Variants in GPC5 observed in about 807,000 individuals in gnomAD.
GPC5 encodes the protein glypican 5.
Under a neutral mutation model 53.9 loss-of-function variants are expected in GPC5, and 47 were observed. The ratio of observed to expected loss-of-function variants is 0.87; its 90% CI spans 0.69 to 1.11. The LOEUF is 1.11. Ranked by LOEUF, GPC5 falls within the 50% of genes most tolerant of loss-of-function variation. GPC5 has a pLI of 0.00. For synonymous variants in GPC5, 286 were observed against 263.3 expected (o/e 1.09, Z -0.84); for missense variants, 748 against 713.1 (o/e 1.05, Z -0.56).
At chr13:91,495,025 TAATA>T (rs919615987) in intron 2 of GPC5, among the ~76,000 whole-genome samples, 1 of 152,238 alleles carries the variant, frequency 6.6e-6, no homozygotes, top group African/African-American at 2.4e-5. Context: ...TTTGAATTTC[TAATA>T]GATATCTCAA....
intron 7 of GPC5, among the ~76,000 whole-genome samples, chr13:92,360,392 A>T (rs1041684193): frequency 6.6e-6 from 1 of 151,782 alleles, no homozygotes; most frequent in Non-Finnish European, 1.5e-5. Context: ...GATTGCTTCA[A>T]TAGATCCATA....
chr13:91,829,007 T>C (rs1027280541), intron 5 of GPC5, among the ~76,000 whole-genome samples: 5 of 152,088 alleles, frequency 3.3e-5, no homozygotes, highest in Admixed American at 3.3e-4. Flanking sequence ...CCACTAATTA[T>C]TTATTAATTA....
intron 7 of GPC5, among the ~76,000 whole-genome samples, chr13:92,624,721 G>A (rs940237377): frequency 3.3e-5 from 5 of 152,180 alleles, no homozygotes; most frequent in African/African-American, 9.6e-5. Flanking sequence ...TCTAAGCTTA[G>A]GGAACCCACA....
chr13:91,841,788 A>G (rs536559014), intron 5 of GPC5, among the ~76,000 whole-genome samples: 1 of 152,302 alleles, frequency 6.6e-6, no homozygotes, highest in African/African-American at 2.4e-5. Context: ...TCTCAAGTAG[A>G]ACAAACACAA....
chr13:91,790,891 T>C (rs2037953595), intron 5 of GPC5, among the ~76,000 whole-genome samples: 1 of 152,246 alleles, frequency 6.6e-6, no homozygotes, highest in African/African-American at 2.4e-5. Context: ...TAACATTGTC[T>C]GAAATGCTGG....
At chr13:91,577,817 T>C (rs2032194760) in intron 2 of GPC5, among the ~76,000 whole-genome samples, 1 of 152,240 alleles carries the variant, frequency 6.6e-6, no homozygotes, top group Non-Finnish European at 1.5e-5. Flanking sequence ...CTTACCCTTA[T>C]ACCAATATAT....
At chr13:92,724,909 CACAAGA>C (rs1393986130) in intron 7 of GPC5, among the ~76,000 whole-genome samples, 1 of 146,076 alleles carries the variant, frequency 6.8e-6, no homozygotes, top group East Asian at 2.1e-4. Flanking sequence ...CACACACACA[CACAAGA>C]AAGAAAAAAC....
intron 6 of GPC5, among the ~76,000 whole-genome samples, chr13:91,975,568 A>G (rs1009145024): frequency 3.6e-4 from 55 of 152,280 alleles, no homozygotes; most frequent in South Asian, 8.3e-4. Flanking sequence ...AAACCACAAT[A>G]AGATACCATC....
Position 91,901,470 on chromosome 13 carries a change from C to T in GPC5, c.1281-6467C>T, listed in dbSNP as rs1237505306. 2.6e-5 allele frequency among the ~76,000 whole-genome samples: 4 copies of T among 152,026 alleles called. No homozygotes were observed. The South Asian group carries it at 6.2e-4, about 24-fold the overall frequency. On this transcript the variant is annotated intron_variant, in intron 5 of 7. Coordinates refer to ENST00000377067, the MANE Select transcript of GPC5 (RefSeq NM_004466.6). ...TAAAATCAATCATATAACTCTTTTCCATTCTGAGATTTCAAAGATTAGGAC... is the reference window on the plus strand; with the variant it reads ...TAAAATCAATCATATAACTCTTTTCTATTCTGAGATTTCAAAGATTAGGAC...
intron 5 of GPC5, among the ~76,000 whole-genome samples, chr13:91,840,598 C>T (rs2038774759): frequency 6.6e-6 from 1 of 151,912 alleles, no homozygotes; most frequent in African/African-American, 2.4e-5. Flanking sequence ...TTGTTCCCCT[C>T]CCCTGCAAGT....
chr13:91,686,151 A>G (rs2035618602), intron 2 of GPC5, among the ~76,000 whole-genome samples: 1 of 152,076 alleles, frequency 6.6e-6, no homozygotes, highest in Non-Finnish European at 1.5e-5. Context: ...GTTGTTTAGA[A>G]CTGATTTTAT....
At chr13:91,432,566 A>G (rs565434706) in intron 1 of GPC5, among the ~76,000 whole-genome samples, 1 of 152,156 alleles carries the variant, frequency 6.6e-6, no homozygotes, top group East Asian at 1.9e-4. Flanking sequence ...TATTATGTTG[A>G]CCTTATTTGT....
intron 4 of GPC5, among the ~76,000 whole-genome samples, chr13:91,746,238 A>G (rs2037047930): frequency 1.3e-5 from 2 of 152,168 alleles, no homozygotes; most frequent in Admixed American, 6.6e-5. Context: ...ATTAACTAGC[A>G]AACTGCACAT....
chr13:92,098,514 G>A (rs1047834234), intron 6 of GPC5, among the ~76,000 whole-genome samples: 2 of 152,098 alleles, frequency 1.3e-5, no homozygotes, highest in Non-Finnish European at 2.9e-5. Context: ...TAGAATTAAG[G>A]TATTTCATAT....
chr13:92,813,189 C>T (rs1877355426), intron 7 of GPC5, among the ~76,000 whole-genome samples: 1 of 151,800 alleles, frequency 6.6e-6, no homozygotes, highest in Non-Finnish European at 1.5e-5. Flanking sequence ...CCCAAGGCAT[C>T]CTAACAATGT....
chr13:91,926,541 G>A (rs2039770203), intron 6 of GPC5, among the ~76,000 whole-genome samples: 1 of 152,074 alleles, frequency 6.6e-6, no homozygotes, highest in South Asian at 2.1e-4. Flanking sequence ...CCTCCTCAGT[G>A]CCCCCAGGTA....
intron 7 of GPC5, among the ~76,000 whole-genome samples, chr13:92,286,647 A>C (rs1304050805): frequency 6.6e-6 from 1 of 150,388 alleles, no homozygotes; most frequent in African/African-American, 2.4e-5. Context: ...AAAAAACCAA[A>C]TACCGCATGT....
At chr13:92,286,833 A>G (rs2139177665) in intron 7 of GPC5, among the ~76,000 whole-genome samples, 1 of 152,284 alleles carries the variant, frequency 6.6e-6, no homozygotes, top group Admixed American at 6.5e-5. Flanking sequence ...ATGTATACAT[A>G]TGTAACAAAC....
intron 6 of GPC5, among the ~76,000 whole-genome samples, chr13:91,935,268 G>GT (rs774927050): frequency 2.0e-5 from 3 of 151,976 alleles, no homozygotes; most frequent in Non-Finnish European, 4.4e-5. Context: ...TGGTCTAAAT[G>GT]TTTGTGTCTT....
Sources: gnomAD v4.1 joint callset for allele counts (sites outside exome capture counted in the v4.1 genomes callset) on GRCh38, gnomAD v4.1.1 for gene constraint, MANE v1.5 for transcripts, NCBI Gene and HGNC (gene_info 2026-07-23, HGNC 2026-07-21) for gene names.